The following PTBP3 variants were observed in gnomAD, a reference collection of about 807,000 sequenced individuals.
PTBP3 encodes polypyrimidine tract binding protein 3, also known as polypyrimidine tract-binding protein 3.
PTBP3 carries 20 observed loss-of-function variants against 58.7 expected under a neutral mutation model. That is an observed-to-expected ratio of 0.34 (90% CI 0.24 to 0.50). PTBP3 has a LOEUF of 0.50. Among genes scored for constraint, PTBP3 ranks in the 20% least tolerant of loss-of-function variants. The pLI, the probability that PTBP3 is intolerant of heterozygous loss-of-function variation, is 0.98. For synonymous variants in PTBP3, 185 were observed against 219.8 expected, an observed-to-expected ratio of 0.84 and a Z score of 1.40; for missense variants, 509 against 637.2, an observed-to-expected ratio of 0.80 and a Z score of 2.17.
intron 2 of PTBP3, among the ~76,000 whole-genome samples, chr9:112,277,267 C>A (rs991032897): frequency 4.6e-5 from 7 of 152,158 alleles, no homozygotes; most frequent in Non-Finnish European, 1.0e-4. Context: ...TACAGGTCTG[C>A]GTACCTTTAT....
At chr9:112,361,296 A>G in the PTBP3 span, among the ~76,000 whole-genome samples, 559 of 152,086 alleles carry the variant, frequency 3.7e-3, 4 homozygotes, top group African/African-American at 0.013. Flanking sequence ...TCGGGGTTTC[A>G]CCATGTTGGT....
At position 112,220,221 on chromosome 9, in the gene PTBP3, GA is replaced by G; in HGVS notation, c.*3629del. The G allele has an allele frequency of 7.4e-7, 1 of 1,347,630 alleles. No individual in the cohort carries two copies. Among genetic ancestry groups the G allele is most frequent in the Middle Eastern group, 2.1e-4 (1 of 4,764 alleles). 83.5% of individuals were successfully genotyped at this position (1,347,630 alleles called of 1,614,324 possible). ...CGTGGGAACAGAAGAGAAACTGCAT[GA>G]CAATATGCTAAACATGTAAGCACTG... On this transcript the variant is annotated 3_prime_UTR_variant, in exon 14 of 14. Coordinates refer to ENST00000374257, the MANE Select transcript of PTBP3 (RefSeq NM_001163788.4).
the PTBP3 span, among the ~76,000 whole-genome samples, chr9:112,367,259 A>G: frequency 6.6e-6 from 1 of 152,154 alleles, no homozygotes; most frequent in African/African-American, 2.4e-5. Context: ...TACCCCCATT[A>G]CTATATTAGA....
rs527657041 is a variant in PTBP3, at chr9:112,298,906, C to T, written c.-51-990G>A. 4.1e-4 allele frequency among the ~76,000 whole-genome samples: 63 copies of T among 152,218 alleles called. No individual in the cohort carries two copies. The Middle Eastern group carries it at 0.01, about 25-fold the overall frequency. ...ATCTTTCACTGGAAGTTTATAGAGA[C>T]ATCTGGGAATAAGAAGAAGGAATTA... is the stretch of plus-strand genomic sequence containing the variant. On this transcript the variant is annotated intron_variant, in intron 1 of 13. Transcript: ENST00000374257.
chr9:112,232,628 A>C lies in PTBP3; in HGVS notation c.881-390T>G, dbSNP rs1835289949. On this transcript the variant is annotated intron_variant, in intron 8 of 13. Transcript: ENST00000374257. Reference sequence around the variant, plus strand: ...ACTTCTACCATAAAATCAGATATGTATTTTTTTAAAGTCCTTCAGCAGAAA... The same window carrying C: ...ACTTCTACCATAAAATCAGATATGTCTTTTTTTAAAGTCCTTCAGCAGAAA... Among the ~76,000 whole-genome samples the C allele has an allele frequency of 2.0e-5, 3 of 152,322 alleles. No homozygotes were observed. In the South Asian group the frequency reaches 6.2e-4, roughly 32 times the overall value.
chr9:112,256,300 TA>T (rs1836357868), intron 5 of PTBP3, among the ~76,000 whole-genome samples: 1 of 71,346 alleles, frequency 1.4e-5, no homozygotes, highest in Admixed American at 1.2e-4. Context: ...TATACATATA[TA>T]TATATATATT....
At chr9:112,353,727 G>A in the PTBP3 span, among the ~76,000 whole-genome samples, 2 of 151,804 alleles carry the variant, frequency 1.3e-5, no homozygotes, top group Non-Finnish European at 2.9e-5. Flanking sequence ...AGGCTGAGGC[G>A]GGCTGATCAC....
the PTBP3 span, among the ~76,000 whole-genome samples, chr9:112,341,386 C>T: frequency 3.9e-4 from 60 of 152,314 alleles, 2 homozygotes; most frequent in South Asian, 0.012. Flanking sequence ...CCTGCCTCGG[C>T]CTCTTGAAGT....
intron 1 of PTBP3, among the ~76,000 whole-genome samples, chr9:112,331,045 C>G (rs1164882738): frequency 6.7e-6 from 1 of 149,848 alleles, no homozygotes; most frequent in African/African-American, 2.5e-5. Flanking sequence ...CACGTCAAAA[C>G]TGTGTTTAAG....
At chr9:112,305,897 G>A (rs1829178310) in intron 1 of PTBP3, among the ~76,000 whole-genome samples, 2 of 152,004 alleles carry the variant, frequency 1.3e-5, no homozygotes, top group African/African-American at 4.8e-5. Flanking sequence ...CCGAGACCGC[G>A]CCACTGCACT....
intron 2 of PTBP3, among the ~76,000 whole-genome samples, chr9:112,295,484 C>T (rs1195137770): frequency 6.6e-6 from 1 of 150,958 alleles, no homozygotes; most frequent in Non-Finnish European, 1.5e-5. Flanking sequence ...TATTACACTT[C>T]CACTTATACC....
chr9:112,252,480 G>A (rs1363275766), intron 6 of PTBP3, 198 bp downstream of exon 6: 3 of 551,582 alleles, frequency 5.4e-6, no homozygotes, highest in Non-Finnish European at 9.6e-6. Context: ...TAGGAGATTT[G>A]AGACCGTTTC....
the PTBP3 span, among the ~76,000 whole-genome samples, chr9:112,377,715 G>A: frequency 1.3e-5 from 2 of 152,214 alleles, no homozygotes; most frequent in East Asian, 1.9e-4. Context: ...ATCAAGCTGA[G>A]AAGGGGTGAA....
At chr9:112,299,376 A>C (rs990837591) in intron 1 of PTBP3, among the ~76,000 whole-genome samples, 1 of 152,248 alleles carries the variant, frequency 6.6e-6, no homozygotes, top group African/African-American at 2.4e-5. Flanking sequence ...CCTAGATAAC[A>C]TTAAAATTAA....
intron 1 of PTBP3, chr9:112,333,174 G>C (rs921286938): frequency 2.6e-6 from 3 of 1,164,210 alleles, no homozygotes; most frequent in Non-Finnish European, 3.3e-6. Flanking sequence ...GCGGACCTCG[G>C]CACCGCGGCC....
intron 1 of PTBP3, chr9:112,333,029 C>A (rs1830441602): frequency 7.8e-7 from 1 of 1,274,634 alleles, no homozygotes; most frequent in African/African-American, 1.6e-5. Context: ...CCCACCTCGC[C>A]GGTAAACAGC....
intron 1 of PTBP3, among the ~76,000 whole-genome samples, chr9:112,314,180 A>G (rs1829607465): frequency 1.3e-5 from 2 of 152,174 alleles, no homozygotes; most frequent in South Asian, 4.1e-4. Context: ...TACTGGACCA[A>G]TCTCCCAAGG....
At position 112,219,360 on chromosome 9, in the gene PTBP3, T is replaced by C. The variant is rs1039266464; in HGVS notation, c.*4491A>G. ...AAATAGCTATTTAAATATTTGTTAT[T>C]ACAACTACTACATAGATCCAAGAAG... On this transcript the variant is annotated 3_prime_UTR_variant, in exon 14 of 14. Transcript: ENST00000374257. 1 of 152,400 alleles carries C rather than the reference T, an allele frequency of 6.6e-6. No individual in the cohort carries two copies. Among genetic ancestry groups the C allele is most frequent in the Non-Finnish European group, 1.5e-5 (1 of 68,020 alleles). 9.4% of individuals were successfully genotyped at this position (152,400 alleles called of 1,614,324 possible). A position where few individuals can be genotyped will look rare whatever the true frequency, so the allele number is the denominator to read the frequency against.
At chr9:112,300,602 A>C (rs577413733) in intron 1 of PTBP3, among the ~76,000 whole-genome samples, 3 of 152,072 alleles carry the variant, frequency 2.0e-5, no homozygotes, top group African/African-American at 7.2e-5. Context: ...AATACAAAAA[A>C]TCAGCCTGGC....
Sources: gnomAD v4.1 joint callset for allele counts (sites outside exome capture counted in the v4.1 genomes callset) on GRCh38, gnomAD v4.1.1 for gene constraint, MANE v1.5 for transcripts, NCBI Gene and HGNC (gene_info 2026-07-23, HGNC 2026-07-21) for gene names.